BLK: variants seen among roughly 807,000 people sequenced by gnomAD.
BLK encodes the protein BLK proto-oncogene, Src family tyrosine kinase.
In BLK, 64 loss-of-function variants were observed where a neutral mutation model predicts 61.8. The ratio of observed to expected loss-of-function variants is 1.03; its 90% CI spans 0.85 to 1.27. The LOEUF (loss-of-function observed/expected upper bound fraction) is 1.27. Among genes scored for constraint, BLK ranks in the 50% most tolerant of loss-of-function variants. The pLI is 0.00. For synonymous variants in BLK, 351 were observed against 272.0 expected (o/e 1.29, Z -2.86); for missense variants, 853 against 660.5 (o/e 1.29, Z -3.19).
At chr8:11,538,625 G>C (rs1282781456) in intron 1 of BLK, among the ~76,000 whole-genome samples, 1 of 152,254 alleles carries the variant, frequency 6.6e-6, no homozygotes, top group African/African-American at 2.4e-5. Flanking sequence ...GAAGCTTAAA[G>C]TCAATGGCAA....
chr8:11,546,534 G>A (rs1800652538), intron 3 of BLK, among the ~76,000 whole-genome samples: 2 of 152,002 alleles, frequency 1.3e-5, no homozygotes, highest in South Asian at 2.1e-4. Context: ...GAGTCCCGCT[G>A]CTGACCACCT....
At chr8:11,561,051 G>A (rs773239725) in intron 10 of BLK, 7 of 662,544 alleles carry the variant, frequency 1.1e-5, no homozygotes, top group African/African-American at 7.1e-5. Context: ...CAGCTGTGTG[G>A]AGCGAGAACG....
At chr8:11,499,740 T>C (rs1187926240) in intron 1 of BLK, among the ~76,000 whole-genome samples, 1 of 152,206 alleles carries the variant, frequency 6.6e-6, no homozygotes, top group Non-Finnish European at 1.5e-5. Context: ...TTCAAACTGA[T>C]TATTTTCTTC....
intron 1 of BLK, among the ~76,000 whole-genome samples, chr8:11,538,601 C>T (rs1221056669): frequency 6.6e-6 from 1 of 152,216 alleles, no homozygotes; most frequent in Non-Finnish European, 1.5e-5. Flanking sequence ...TCAGTGGACA[C>T]AGGTGTTTGC....
At chr8:11,555,783 G>T in intron 8 of BLK, 1 of 469,126 alleles carries the variant, frequency 2.1e-6, no homozygotes, top group South Asian at 2.0e-5. Flanking sequence ...GAGCTGCAGC[G>T]GCGCGTTAAC....
chr8:11,561,057 GAAC>G, intron 10 of BLK: 3 of 673,234 alleles, frequency 4.5e-6, no homozygotes, highest in Non-Finnish European at 5.5e-6. Flanking sequence ...TGTGGAGCGA[GAAC>G]GAGGAGGGGG....
At chr8:11,545,016 A>C (rs573689379) in intron 2 of BLK, among the ~76,000 whole-genome samples, 1 of 152,226 alleles carries the variant, frequency 6.6e-6, no homozygotes, top group African/African-American at 2.4e-5. Flanking sequence ...TTGCTTTTTA[A>C]TATTATCACA....
chr8:11,500,374 T>C (rs1464939310), intron 1 of BLK, among the ~76,000 whole-genome samples: 1 of 147,744 alleles, frequency 6.8e-6, no homozygotes, highest in Non-Finnish European at 1.5e-5. Context: ...TTGTATTTTT[T>C]TGATAGAGAC....
At chr8:11,515,801 A>C (rs528624168) in intron 1 of BLK, among the ~76,000 whole-genome samples, 12 of 152,372 alleles carry the variant, frequency 7.9e-5, no homozygotes, top group Admixed American at 7.8e-4. Flanking sequence ...TCTTCAGAAC[A>C]GTGGCTTCAA....
intron 8 of BLK, chr8:11,555,870 CA>C (rs1375052798): frequency 8.6e-6 from 3 of 347,522 alleles, no homozygotes; most frequent in African/African-American, 6.4e-5. Flanking sequence ...AGCCTGAGTG[CA>C]CACCGAGGGC....
chr8:11,537,262 T>C (rs781228354), intron 1 of BLK, among the ~76,000 whole-genome samples: 6 of 152,192 alleles, frequency 3.9e-5, no homozygotes, highest in Non-Finnish European at 5.9e-5. Flanking sequence ...TGGTGGTTTG[T>C]ACTGGGAGAA....
intron 1 of BLK, among the ~76,000 whole-genome samples, chr8:11,532,412 T>C (rs944493753): frequency 2.0e-5 from 3 of 150,322 alleles, no homozygotes; most frequent in Admixed American, 6.7e-5. Context: ...GGTTTCACCA[T>C]GTTGGCCAGG....
rs761864970 is a variant in BLK at position 11,543,176 on chromosome 8, T to C, written c.-1-48T>C. The C allele has an allele frequency of 5.3e-5, 86 of 1,611,856 alleles. 1 individual carries two copies. In the Admixed American group the frequency reaches 5.8e-4, roughly 11 times the overall value. The stretch of plus-strand genomic sequence containing the variant: ...AGGGATCCCCTCTGTGCAGAGGATC[T>C]GAGGCCCCGCTCTCTCATGTCCTCT... On this transcript the variant is annotated intron_variant, in intron 1 of 12. Coordinates refer to ENST00000259089, the MANE Select transcript of BLK (RefSeq NM_001715.3).
At chr8:11,520,572 C>G (rs1211122297) in intron 1 of BLK, among the ~76,000 whole-genome samples, 2 of 151,034 alleles carry the variant, frequency 1.3e-5, no homozygotes, top group Non-Finnish European at 3.0e-5. Flanking sequence ...CAAAGGCATC[C>G]CTGTAAAAGC....
intron 1 of BLK, among the ~76,000 whole-genome samples, chr8:11,514,652 T>C (rs1799153590): frequency 6.6e-6 from 1 of 152,318 alleles, no homozygotes; most frequent in East Asian, 1.9e-4. Flanking sequence ...CCCCCACCTC[T>C]GGGCTCGAGT....
At chr8:11,545,448 C>G (rs566036457) in intron 2 of BLK, among the ~76,000 whole-genome samples, 4 of 152,136 alleles carry the variant, frequency 2.6e-5, no homozygotes, top group Non-Finnish European at 5.9e-5. Flanking sequence ...ACTTGGGAGG[C>G]TGAGGCACGA....
At chr8:11,555,309 C>T (rs770572857) in intron 7 of BLK, 23 bp from the exon 8 acceptor site, 2 of 1,613,998 alleles carry the variant, frequency 1.2e-6, no homozygotes, top group Non-Finnish European at 1.7e-6. Flanking sequence ...ACCCCCAGCC[C>T]TGTCTTTTCT....
At chr8:11,555,693 A>G (rs1801180438) in intron 8 of BLK, 1 of 753,432 alleles carries the variant, frequency 1.3e-6, no homozygotes, top group African/African-American at 1.7e-5. Flanking sequence ...TGGTGGTGGC[A>G]GAGCAGGAAC....
intron 1 of BLK, among the ~76,000 whole-genome samples, chr8:11,495,797 G>C (rs1010925285): frequency 1.3e-5 from 2 of 152,160 alleles, no homozygotes; most frequent in Admixed American, 1.3e-4. Flanking sequence ...AAGACCTGGG[G>C]TCTCGCTAAT....
Sources: allele counts gnomAD v4.1 joint callset (sites outside exome capture counted in the v4.1 genomes callset), GRCh38; gene constraint gnomAD v4.1.1; transcripts MANE v1.5; gene names NCBI Gene and HGNC (gene_info 2026-07-23, HGNC 2026-07-21).